Variants in PTPRT observed in about 807,000 individuals in gnomAD.
The protein encoded by PTPRT is receptor-type tyrosine-protein phosphatase T.
In PTPRT, 56 loss-of-function variants were observed where a neutral mutation model predicts 176.8. The ratio of observed to expected loss-of-function variants is 0.32; its 90% CI spans 0.26 to 0.40. The LOEUF (loss-of-function observed/expected upper bound fraction) is 0.40. PTPRT is among the 10% of genes least tolerant of loss of function. The pLI, the probability that PTPRT is intolerant of heterozygous loss-of-function variation, is 1.00. For missense variants in PTPRT, 1,540 were observed against 1,908.2 expected (o/e 0.81, Z 3.60); for synonymous variants, 783 against 739.0 (o/e 1.06, Z -0.96).
rs1003353051 is a variant in PTPRT at position 42,836,294 on chromosome 20, C to T, written c.215-44828G>A. Among the ~76,000 whole-genome samples the T allele has an allele frequency of 2.0e-5, 3 of 152,146 alleles. No homozygotes were observed. In the South Asian group the frequency reaches 6.2e-4, roughly 32 times the overall value. On this transcript the variant is annotated intron_variant, in intron 2 of 30. Transcript: ENST00000373187. ...ATACATTCCTGGGAGTTTCTTTGTT[C>T]TCTCAACTGCCCACCTCCCAAGAGA...
At chr20:42,866,817 T>C (rs745922694) in intron 2 of PTPRT, among the ~76,000 whole-genome samples, 4 of 152,226 alleles carry the variant, frequency 2.6e-5, no homozygotes, top group African/African-American at 9.6e-5. Context: ...CTGCCACTTC[T>C]GTGTGATTTT....
intron 27 of PTPRT, among the ~76,000 whole-genome samples, chr20:42,096,831 C>T (rs1284714345): frequency 6.7e-6 from 1 of 148,590 alleles, no homozygotes; most frequent in Non-Finnish European, 1.5e-5. Flanking sequence ...AACTCTTGGC[C>T]TCCCAAAGTG....
At chr20:42,992,467 C>A (rs940980780) in intron 1 of PTPRT, among the ~76,000 whole-genome samples, 4 of 152,204 alleles carry the variant, frequency 2.6e-5, no homozygotes, top group African/African-American at 9.7e-5. Flanking sequence ...AGCAAGGAAC[C>A]TAGCTGCCCT....
At chr20:42,244,526 A>C (rs2056414544) in intron 14 of PTPRT, among the ~76,000 whole-genome samples, 1 of 152,164 alleles carries the variant, frequency 6.6e-6, no homozygotes, top group Non-Finnish European at 1.5e-5. Context: ...TCATTTGAAA[A>C]TTAAAATGTG....
At chr20:43,055,769 A>G (rs1987208688) in intron 1 of PTPRT, among the ~76,000 whole-genome samples, 1 of 152,204 alleles carries the variant, frequency 6.6e-6, no homozygotes, top group African/African-American at 2.4e-5. Context: ...TGCTTTCCTG[A>G]CTAAACTGTC....
intron 1 of PTPRT, among the ~76,000 whole-genome samples, chr20:42,953,932 C>T (rs1981440381): frequency 6.6e-6 from 1 of 152,120 alleles, no homozygotes. Flanking sequence ...CCAGAATGGC[C>T]ATATATCCCA....
chr20:42,674,323 A>G (rs2075462574), intron 7 of PTPRT, among the ~76,000 whole-genome samples: 1 of 152,236 alleles, frequency 6.6e-6, no homozygotes, highest in South Asian at 2.1e-4. Flanking sequence ...ATTCCAACTC[A>G]TAATTTTTAT....
chr20:42,282,077 G>A (rs1041289412), intron 13 of PTPRT, among the ~76,000 whole-genome samples: 1 of 152,090 alleles, frequency 6.6e-6, no homozygotes, highest in Non-Finnish European at 1.5e-5. Context: ...ATTTTTGAAA[G>A]CTGTGTACCA....
intron 1 of PTPRT, among the ~76,000 whole-genome samples, chr20:43,129,065 G>A (rs571393371): frequency 6.6e-6 from 1 of 152,278 alleles, no homozygotes; most frequent in East Asian, 1.9e-4. Context: ...TTGTTTTCTT[G>A]TTGTATTCAC....
intron 6 of PTPRT, chr20:42,685,680 A>G (rs1304627101): frequency 2.0e-5 from 3 of 152,204 alleles, no homozygotes; most frequent in African/African-American, 7.2e-5. Context: ...TAAAACATCT[A>G]GATTTAAATA....
chr20:42,034,641 G>A, the PTPRT span, among the ~76,000 whole-genome samples: 1 of 152,112 alleles, frequency 6.6e-6, no homozygotes, highest in Non-Finnish European at 1.5e-5. Context: ...GCACCTTCCT[G>A]GGGGTTAAGC....
chr20:42,768,408 T>C (rs1227952628), intron 5 of PTPRT, among the ~76,000 whole-genome samples: 7 of 152,126 alleles, frequency 4.6e-5, no homozygotes, highest in Non-Finnish European at 8.8e-5. Flanking sequence ...AGTAAGACTG[T>C]GGTGGGGAAC....
At chr20:42,825,566 T>C (rs1219813655) in intron 2 of PTPRT, among the ~76,000 whole-genome samples, 2 of 152,180 alleles carry the variant, frequency 1.3e-5, no homozygotes, top group Admixed American at 1.3e-4. Context: ...CATGTGTGTA[T>C]ATAAATAGTA....
chr20:42,282,541 A>G lies in PTPRT; in HGVS notation c.2140-16T>C. 6.2e-7 allele frequency: 1 copy of G among 1,600,682 alleles called. No individual in the cohort carries two copies. The highest frequency in any genetic ancestry group is 8.5e-7 in the Non-Finnish European group (1 of 1,171,500). On this transcript the variant is annotated splice_polypyrimidine_tract_variant and intron_variant, in intron 12 of 30. Coordinates refer to ENST00000373187, the MANE Select transcript of PTPRT (RefSeq NM_007050.6). Reference sequence around the variant, plus strand: ...TTTTGGTCTCCTGTGAACAACAAAAATGAGATGCCAATTAATTAGCTGTGA... The same window carrying G: ...TTTTGGTCTCCTGTGAACAACAAAAGTGAGATGCCAATTAATTAGCTGTGA...
At chr20:42,797,136 C>T (rs35917397) in intron 2 of PTPRT, among the ~76,000 whole-genome samples, 62,536 of 152,008 alleles carry the variant, frequency 0.41, 15,153 homozygotes, top group Non-Finnish European at 0.54. Context: ...CACTGAGAGG[C>T]AGAGTAAAAT....
intron 13 of PTPRT, among the ~76,000 whole-genome samples, chr20:42,262,730 T>G (rs1051727466): frequency 6.6e-6 from 1 of 152,116 alleles, no homozygotes; most frequent in Non-Finnish European, 1.5e-5. Context: ...GTCAAATGAA[T>G]GAGCACTACA....
At chr20:42,462,082 T>C (rs983139225) in intron 8 of PTPRT, among the ~76,000 whole-genome samples, 1 of 151,648 alleles carries the variant, frequency 6.6e-6, no homozygotes, top group Non-Finnish European at 1.5e-5. Flanking sequence ...GGTTCATCCA[T>C]AGAAACAAGG....
intron 7 of PTPRT, among the ~76,000 whole-genome samples, chr20:42,668,858 A>ATTTTTTTTTTTTTTTTT (rs755121515): frequency 1.1e-4 from 9 of 81,278 alleles, no homozygotes; most frequent in Non-Finnish European, 1.6e-4. Flanking sequence ...CGCCCAGCTA[A>ATTTTTTTTTTTTTTTTT]TTTTTTTTTT....
chr20:42,618,075 T>A (rs1313285987), intron 7 of PTPRT, among the ~76,000 whole-genome samples: 1 of 136,982 alleles, frequency 7.3e-6, no homozygotes, highest in Non-Finnish European at 1.5e-5. Flanking sequence ...TTGTGGGCAT[T>A]TAGTGCTAGA....
Sources: gnomAD v4.1 joint callset for allele counts (sites outside exome capture counted in the v4.1 genomes callset) on GRCh38, gnomAD v4.1.1 for gene constraint, MANE v1.5 for transcripts, NCBI Gene and HGNC (gene_info 2026-07-23, HGNC 2026-07-21) for gene names.